The following YTHDF3 variants were observed in gnomAD, a reference collection of about 807,000 sequenced individuals.
YTHDF3 encodes the protein YTH domain-containing family protein 3.
In YTHDF3, 9 loss-of-function variants were observed where a neutral mutation model predicts 52.5. The ratio of observed to expected loss-of-function variants is 0.17; its 90% CI spans 0.10 to 0.30. YTHDF3 has a LOEUF of 0.30. Among genes scored for constraint, YTHDF3 ranks in the 10% least tolerant of loss-of-function variants. YTHDF3 has a pLI of 1.00. For synonymous variants in YTHDF3, 274 were observed against 243.3 expected (o/e 1.13, Z -1.18); for missense variants, 534 against 715.0 (o/e 0.75, Z 2.89).
intron 3 of YTHDF3, among the ~76,000 whole-genome samples, chr8:63,185,577 A>G (rs1329715955): frequency 6.6e-6 from 1 of 152,236 alleles, no homozygotes; most frequent in Non-Finnish European, 1.5e-5. Context: ...AGAAATTTGC[A>G]TCATGCTATA....
chr8:63,192,121 C>T (rs987518161), intron 4 of YTHDF3, among the ~76,000 whole-genome samples: 1 of 152,190 alleles, frequency 6.6e-6, no homozygotes. Context: ...CAAACCCTCC[C>T]TTATATACTA....
intron 3 of YTHDF3, among the ~76,000 whole-genome samples, chr8:63,179,563 G>GGCAGAAGAATTTTTCTTAGT (rs1807937544): frequency 6.6e-6 from 1 of 152,102 alleles, no homozygotes; most frequent in Admixed American, 6.5e-5. Flanking sequence ...AGGATCCCAA[G>GGCAGAAGAATTTTTCTTAGT]GCAGAAGAAT....
intron 2 of YTHDF3, chr8:63,172,947 T>C (rs1807425766): frequency 6.3e-6 from 4 of 639,128 alleles, no homozygotes; most frequent in Non-Finnish European, 8.9e-6. Flanking sequence ...AAGATAGTTT[T>C]CTTTAAGATA....
Position 63,187,537 on chromosome 8 carries a change from A to G in YTHDF3, c.1526A>G (p.Lys509Arg), listed in dbSNP as rs766105168. The G allele has an allele frequency of 1.2e-5, 20 of 1,614,006 alleles. No individual in the cohort carries two copies. Among genetic ancestry groups the G allele is most frequent in the Admixed American group, 3.3e-5 (2 of 60,026 alleles). ...TTTGAAGTTAAATGGATCTTTGTCA[A>G]AGATGTTCCCAATAACCAATTACGG... ...GKFEVKWIFVKDVPNNQLRHI... is the reference protein window; with the variant it reads ...GKFEVKWIFVRDVPNNQLRHI... Residue 509 changes from lysine to arginine, a missense_variant, in exon 4 of 5, where the codon AAA (lysine) becomes AGA (arginine). Lys to Arg is a conservative substitution (Grantham distance 26). Coordinates refer to ENST00000539294, the MANE Select transcript of YTHDF3 (RefSeq NM_152758.6).
At chr8:63,205,418 ATTTCTTTCTT>A (rs1809961047) in intron 4 of YTHDF3, among the ~76,000 whole-genome samples, 2 of 149,162 alleles carry the variant, frequency 1.3e-5, no homozygotes. Context: ...ATAGCTCATC[ATTTCTTTCTT>A]TTTCTTTCTT....
chr8:63,206,541 T>G (rs747060289), intron 4 of YTHDF3, among the ~76,000 whole-genome samples: 2 of 152,160 alleles, frequency 1.3e-5, no homozygotes, highest in Non-Finnish European at 2.9e-5. Flanking sequence ...TTCAAATATA[T>G]ACTGAATCCA....
At chr8:63,196,798 G>C (rs574045554) in intron 4 of YTHDF3, among the ~76,000 whole-genome samples, 1 of 152,006 alleles carries the variant, frequency 6.6e-6, no homozygotes, top group Non-Finnish European at 1.5e-5. Context: ...TTGGAGGGTC[G>C]GGGGAGTAAA....
At position 63,187,492 on chromosome 8, in the gene YTHDF3, A is replaced by G. The variant is rs1808600814; in HGVS notation, c.1481A>G (p.Gln494Arg). The G allele has an allele frequency of 6.2e-7, 1 of 1,613,904 alleles. No homozygotes were observed. Among genetic ancestry groups the G allele is most frequent in the Admixed American group, 1.7e-5 (1 of 60,006 alleles). Reference protein sequence around the residue: ...DYNAYAGVWSQDKWKGKFEVK... With the variant: ...DYNAYAGVWSRDKWKGKFEVK... ...AATGCGTATGCTGGTGTCTGGTCTC[A>G]GGATAAGTGGAAGGGCAAATTTGAA... The change falls in exon 4 of 5, where the codon CAG becomes CGG. Residue 494 changes from glutamine (Q) to arginine (R), a missense_variant. Gln to Arg is a conservative substitution (Grantham distance 43). Coordinates refer to ENST00000539294, the MANE Select transcript of YTHDF3 (RefSeq NM_152758.6).
rs974910985 is a variant in YTHDF3, at chr8:63,210,559, G to A, written c.*853G>A. 3.9e-5 allele frequency: 6 copies of A among 152,414 alleles called. No homozygotes were observed. The highest frequency in any genetic ancestry group is 9.7e-5 in the African/African-American group (4 of 41,384). The allele number at this position is 152,414 out of a possible 1,614,324, so 9.4% of individuals were successfully genotyped here. ...TTAATTCCTATTTCTGGGTGTTTGCGAGCCTGATTGCTATCATGAAGTAAA... is the reference window on the plus strand; with the variant it reads ...TTAATTCCTATTTCTGGGTGTTTGCAAGCCTGATTGCTATCATGAAGTAAA... On this transcript the variant is annotated 3_prime_UTR_variant, in exon 5 of 5. Coordinates refer to ENST00000539294, the MANE Select transcript of YTHDF3 (RefSeq NM_152758.6).
At chr8:63,179,362 GCGGCCTT>G (rs1807918833) in intron 3 of YTHDF3, among the ~76,000 whole-genome samples, 1 of 152,140 alleles carries the variant, frequency 6.6e-6, no homozygotes, top group Non-Finnish European at 1.5e-5. Context: ...AGAGGACCCT[GCGGCCTT>G]CCGCAGTGTT....
At chr8:63,199,602 TA>T (rs1440252606) in intron 4 of YTHDF3, among the ~76,000 whole-genome samples, 2 of 152,218 alleles carry the variant, frequency 1.3e-5, no homozygotes, top group Non-Finnish European at 2.9e-5. Flanking sequence ...TCCTGTTTAA[TA>T]GTTTATTTTA....
chr8:63,195,334 G>T (rs1049862451), intron 4 of YTHDF3, among the ~76,000 whole-genome samples: 2 of 152,168 alleles, frequency 1.3e-5, no homozygotes, highest in African/African-American at 2.4e-5. Flanking sequence ...AAACAAAATT[G>T]TGATTTGTGT....
intron 4 of YTHDF3, among the ~76,000 whole-genome samples, chr8:63,202,706 A>G (rs898419762): frequency 6.6e-6 from 1 of 151,672 alleles, no homozygotes; most frequent in African/African-American, 2.4e-5. Context: ...CAGGTGAGCC[A>G]CCCGCCTGAG....
At chr8:63,188,701 A>ATATATATATATATATATTTT (rs1355614739) in intron 4 of YTHDF3, 1 of 61,452 alleles carries the variant, frequency 1.6e-5, no homozygotes, top group Non-Finnish European at 2.6e-5. Flanking sequence ...ATATATATAT[A>ATATATATATATATATATTTT]TTTTTTTTTT....
chr8:63,171,700 C>A (rs1807337803), intron 2 of YTHDF3, among the ~76,000 whole-genome samples: 1 of 152,142 alleles, frequency 6.6e-6, no homozygotes, highest in East Asian at 1.9e-4. Context: ...TGTTTACTTT[C>A]ATGAAGTTAT....
At chr8:63,199,318 A>G (rs1809447334) in intron 4 of YTHDF3, among the ~76,000 whole-genome samples, 1 of 152,100 alleles carries the variant, frequency 6.6e-6, no homozygotes, top group African/African-American at 2.4e-5. Flanking sequence ...GACCCCCGCA[A>G]ATACCAAAAT....
Position 63,187,678 on chromosome 8 carries a change from C to G in YTHDF3, c.1667C>G (p.Thr556Ser), listed in dbSNP as rs1043923299. The G allele has an allele frequency of 1.9e-6, 3 of 1,611,638 alleles. No homozygotes were observed. Among genetic ancestry groups the G allele is most frequent in the Non-Finnish European group, 2.5e-6 (3 of 1,178,680 alleles). Residue 556 changes from threonine to serine, a missense_variant, in exon 4 of 5, where the codon ACC becomes AGC. By Grantham distance (58) the Thr-to-Ser change is moderately conservative. Around this residue, in one of 3 missense-constraint regions of YTHDF3, gnomAD observed 135 missense variants for 214.2 expected, o/e 0.63. Coordinates refer to ENST00000539294, the MANE Select transcript of YTHDF3 (RefSeq NM_152758.6). Reference protein sequence around the residue: ...VLKIIATFKHTTSIFDDFAHY... With the variant: ...VLKIIATFKHSTSIFDDFAHY... ...AAAATAATTGCTACTTTCAAGCATA[C>G]CACCTCAATCTTTGATGACTTTGCA...
chr8:63,168,914 A>G lies in YTHDF3; in HGVS notation c.24+13A>G, dbSNP rs192317267. 2.2e-3 allele frequency: 3,380 copies of G among 1,550,928 alleles called. 61 individuals are homozygous for G. In the African/African-American group the frequency reaches 0.042, roughly 19 times the overall value. On this transcript the variant is annotated intron_variant, in intron 1 of 4. Transcript: ENST00000539294. ...TAGCGTGGATCAGGTGAGGGAGCAG[A>G]GGCCCCAGGCTTGGCGAAGGCCCGA...
At chr8:63,200,351 A>T (rs1809524005) in intron 4 of YTHDF3, among the ~76,000 whole-genome samples, 1 of 152,124 alleles carries the variant, frequency 6.6e-6, no homozygotes, top group South Asian at 2.1e-4. Context: ...TTTGTAACTT[A>T]ATTACAGAAG....
Sources: allele counts gnomAD v4.1 joint callset (sites outside exome capture counted in the v4.1 genomes callset), GRCh38; gene constraint gnomAD v4.1.1; regional missense constraint gnomAD v4.1.1; transcripts MANE v1.5; gene names NCBI Gene and HGNC (gene_info 2026-07-23, HGNC 2026-07-21).